The following JPH1 variants were observed in gnomAD, a reference collection of about 807,000 sequenced individuals.
JPH1 encodes junctophilin 1.
A neutral mutation model predicts 53.6 loss-of-function variants in JPH1; 12 were observed. The ratio of observed to expected loss-of-function variants is 0.22; its 90% CI spans 0.14 to 0.36. JPH1 has a LOEUF of 0.36. Ranked by LOEUF, JPH1 falls within the 10% of genes least tolerant of loss-of-function variation. JPH1 has a pLI of 1.00. For missense variants in JPH1, 808 were observed against 905.5 expected, an observed-to-expected ratio of 0.89 and a Z score of 1.38; for synonymous variants, 375 against 363.8, an observed-to-expected ratio of 1.03 and a Z score of -0.35.
chr8:74,291,726 G>A (rs1586761891), intron 2 of JPH1, among the ~76,000 whole-genome samples: 1 of 152,106 alleles, frequency 6.6e-6, no homozygotes, highest in Non-Finnish European at 1.5e-5. Flanking sequence ...TGGAACCAAC[G>A]CAAATGTCAC....
At position 74,310,048 on chromosome 8, in the gene JPH1, C is replaced by T. The variant is rs367788898; in HGVS notation, c.1139+4813G>A. The stretch of plus-strand genomic sequence containing the variant: ...CAAAAGGTTCTGGTTGGCCAAGTTA[C>T]CATCAAGGGTACACACTGACAAAGG... On this transcript the variant is annotated intron_variant, in intron 2 of 5. Coordinates refer to ENST00000342232, the MANE Select transcript of JPH1 (RefSeq NM_020647.4). Among the ~76,000 whole-genome samples the T allele has an allele frequency of 3.3e-5, 5 of 152,234 alleles. No individual in the cohort carries two copies. The East Asian group carries it at 7.7e-4, about 24-fold the overall frequency.
intron 3 of JPH1, among the ~76,000 whole-genome samples, chr8:74,250,181 C>T (rs1563395506): frequency 6.6e-6 from 1 of 150,388 alleles, no homozygotes; most frequent in Non-Finnish European, 1.5e-5. Context: ...GTCACCCAGG[C>T]TGGAGTAAGT....
chr8:74,282,946 T>C (rs1258020007), intron 2 of JPH1, among the ~76,000 whole-genome samples: 1 of 152,252 alleles, frequency 6.6e-6, no homozygotes, highest in African/African-American at 2.4e-5. Flanking sequence ...ATTATATGTG[T>C]CATTTAAACA....
intron 4 of JPH1, among the ~76,000 whole-genome samples, chr8:74,237,706 AC>A (rs1807041428): frequency 6.6e-6 from 1 of 152,222 alleles, no homozygotes; most frequent in Non-Finnish European, 1.5e-5. Flanking sequence ...CAGTTAGAAC[AC>A]GAGAGCAAAA....
intron 2 of JPH1, among the ~76,000 whole-genome samples, chr8:74,265,957 A>C (rs1586745322): frequency 6.6e-6 from 1 of 152,016 alleles, no homozygotes; most frequent in Non-Finnish European, 1.5e-5. Context: ...AAAAAAAAAA[A>C]AACAGAGAAT....
At chr8:74,309,891 C>T (rs1263256377) in intron 2 of JPH1, among the ~76,000 whole-genome samples, 3 of 152,194 alleles carry the variant, frequency 2.0e-5, no homozygotes, top group Non-Finnish European at 4.4e-5. Flanking sequence ...TGGGGACTTT[C>T]TGTCTCCTCT....
intron 3 of JPH1, among the ~76,000 whole-genome samples, chr8:74,248,794 G>A (rs1805944110): frequency 6.6e-6 from 1 of 152,250 alleles, no homozygotes; most frequent in Admixed American, 6.5e-5. Flanking sequence ...CTTGTTCTGT[G>A]TAGTAAATGT....
intron 2 of JPH1, among the ~76,000 whole-genome samples, chr8:74,271,610 G>A (rs1806702812): frequency 6.6e-6 from 1 of 152,210 alleles, no homozygotes; most frequent in South Asian, 2.1e-4. Flanking sequence ...GTAGCCATGA[G>A]GCTCTCTAGG....
intron 2 of JPH1, among the ~76,000 whole-genome samples, chr8:74,278,911 T>C (rs1476282760): frequency 6.6e-6 from 1 of 152,038 alleles, no homozygotes; most frequent in African/African-American, 2.4e-5. Flanking sequence ...GGGAATATAA[T>C]TAGGGATATG....
chr8:74,249,505 C>T (rs1805974191), intron 3 of JPH1, among the ~76,000 whole-genome samples: 1 of 152,230 alleles, frequency 6.6e-6, no homozygotes, highest in Admixed American at 6.5e-5. Context: ...AACTGTGGGA[C>T]ATCCTTTCTA....
intron 4 of JPH1, among the ~76,000 whole-genome samples, chr8:74,240,743 A>C (rs577080851): frequency 6.6e-6 from 1 of 152,348 alleles, no homozygotes; most frequent in East Asian, 1.9e-4. Flanking sequence ...ACAATACAAC[A>C]TAGACTTTGG....
At chr8:74,281,779 ATCT>A (rs1453276844) in intron 2 of JPH1, among the ~76,000 whole-genome samples, 1 of 152,014 alleles carries the variant, frequency 6.6e-6, no homozygotes, top group East Asian at 1.9e-4. Flanking sequence ...CATGGGATAA[ATCT>A]TCTTGGATTT....
At chr8:74,242,949 C>T (rs1327115179) in intron 4 of JPH1, among the ~76,000 whole-genome samples, 2 of 152,212 alleles carry the variant, frequency 1.3e-5, no homozygotes, top group East Asian at 3.8e-4. Context: ...ACTCTTTCAG[C>T]TAAGAGCTGG....
intron 2 of JPH1, among the ~76,000 whole-genome samples, chr8:74,275,821 A>C (rs1806831104): frequency 6.6e-6 from 1 of 151,866 alleles, no homozygotes; most frequent in Admixed American, 6.6e-5. Context: ...ACACTTCCCC[A>C]CCCCCTGCTC....
chr8:74,244,780 C>G lies in JPH1; in HGVS notation c.1654G>C (p.Gly552Arg). The G allele has an allele frequency of 1.2e-6, 2 of 1,614,122 alleles. No homozygotes were observed. Among genetic ancestry groups the G allele is most frequent in the Non-Finnish European group, 1.7e-6 (2 of 1,180,042 alleles). ...GGGGCGTTCAGCTTCACGTAGTAGC[C>G]GTGATACTGAGAATGCAGCTCCCCG... is the stretch of plus-strand genomic sequence containing the variant. ...SNGELHSQYH[G>R]YYVKLNAPQH... is the part of the protein sequence containing the mutation. Residue 552 changes from glycine (G) to arginine (R), a missense_variant, in exon 4 of 6, where the codon GGC becomes CGC. Physicochemically the swap from Gly to Arg is moderately radical, Grantham distance 125 (BLOSUM62 -2). Transcript: ENST00000342232.
intron 2 of JPH1, among the ~76,000 whole-genome samples, chr8:74,294,966 G>A (rs1401010231): frequency 1.3e-5 from 2 of 152,216 alleles, no homozygotes; most frequent in East Asian, 1.9e-4. Flanking sequence ...GGGTCTAAAC[G>A]ACTGTCTGGT....
intron 3 of JPH1, among the ~76,000 whole-genome samples, chr8:74,259,174 CA>C (rs1234702314): frequency 6.6e-5 from 10 of 152,200 alleles, no homozygotes. Context: ...CATGCAAATA[CA>C]GAAAAATATC....
rs572334953 is a variant in JPH1, at chr8:74,272,705, G to A, written c.1140-13202C>T. Among the ~76,000 whole-genome samples, 14 of 149,392 alleles carry A rather than the reference G, an allele frequency of 9.4e-5. No homozygotes were observed. In the South Asian group the frequency reaches 1.1e-3, roughly 11 times the overall value. On this transcript the variant is annotated intron_variant, in intron 2 of 5. Transcript: ENST00000342232. Reference sequence around the variant, plus strand: ...TGCAAGCTCCGCCTCCCGGGTTCACGCCATTCTCCTGCCTCAGCCTCCCGT... The same window carrying A: ...TGCAAGCTCCGCCTCCCGGGTTCACACCATTCTCCTGCCTCAGCCTCCCGT...
At position 74,236,567 on chromosome 8, in the gene JPH1, C is replaced by T. The variant is rs1807002837; in HGVS notation, c.*484G>A. On this transcript the variant is annotated 3_prime_UTR_variant, in exon 6 of 6. Transcript: ENST00000342232. Reference sequence around the variant, plus strand: ...GGAACCACGTCCACAGCAACACAATCCTCCGACCGCATTCCTCGGGCAGTC... The same window carrying T: ...GGAACCACGTCCACAGCAACACAATTCTCCGACCGCATTCCTCGGGCAGTC... 1 of 152,396 alleles carries T rather than the reference C, an allele frequency of 6.6e-6. No individual in the cohort carries two copies. Among genetic ancestry groups the T allele is most frequent in the African/African-American group, 2.4e-5 (1 of 41,334 alleles). The allele number at this position is 152,396 out of a possible 1,614,324, so 9.4% of individuals were successfully genotyped here.
Sources: gnomAD v4.1 joint callset for allele counts (sites outside exome capture counted in the v4.1 genomes callset) on GRCh38, gnomAD v4.1.1 for gene constraint, MANE v1.5 for transcripts, NCBI Gene and HGNC (gene_info 2026-07-23, HGNC 2026-07-21) for gene names.